Variants in TRIM5 observed in about 807,000 individuals in gnomAD.
The protein encoded by TRIM5 is tripartite motif containing 5, also known as tripartite motif-containing protein 5.
Under a neutral mutation model 35.6 loss-of-function variants are expected in TRIM5, and 31 were observed. The observed-to-expected ratio is 0.87, with a 90% CI of 0.65 to 1.18. The LOEUF is 1.18. Among genes scored for constraint, TRIM5 ranks in the 50% most tolerant of loss-of-function variants. The probability of loss-of-function intolerance (pLI) is 0.00; values close to 1 mark genes in which losing one functional copy is unlikely to be tolerated. For missense variants in TRIM5, 609 were observed against 591.6 expected, an observed-to-expected ratio of 1.03 and a Z score of -0.31; for synonymous variants, 243 against 215.6, an observed-to-expected ratio of 1.13 and a Z score of -1.11.
At chr11:5,610,798 A>G in the TRIM5 span, 1 of 1,614,160 alleles carries the variant, frequency 6.2e-7, no homozygotes, top group Non-Finnish European at 8.5e-7. Context: ...CTGAATCCAC[A>G]CACAGCTAAT....
chr11:5,613,567 C>T, the TRIM5 span, among the ~76,000 whole-genome samples: 6 of 152,106 alleles, frequency 3.9e-5, no homozygotes, highest in Non-Finnish European at 7.4e-5. Context: ...CTGACTGGGA[C>T]CTATGGGGCT....
At chr11:5,641,148 T>C in the TRIM5 span, 1 of 1,613,166 alleles carries the variant, frequency 6.2e-7, no homozygotes, top group Non-Finnish European at 8.5e-7. Context: ...TTGACTCATG[T>C]TTTCTCTTTT....
the TRIM5 span, among the ~76,000 whole-genome samples, chr11:5,615,333 G>A: frequency 6.6e-6 from 1 of 152,064 alleles, no homozygotes; most frequent in South Asian, 2.1e-4. Flanking sequence ...TATGAGAGAG[G>A]GGTGTTGAAA....
At chr11:5,604,668 A>T in the TRIM5 span, 2 of 1,598,726 alleles carry the variant, frequency 1.3e-6, no homozygotes, top group South Asian at 1.1e-5. Flanking sequence ...TGGGGCAGGA[A>T]TCATGGCAGG....
intron 4 of TRIM5, among the ~76,000 whole-genome samples, chr11:5,676,544 C>T (rs1169082900): frequency 1.3e-5 from 2 of 152,118 alleles, no homozygotes; most frequent in East Asian, 1.9e-4. Context: ...AGGTAATTTA[C>T]AGATTCAATG....
chr11:5,607,826 G>A, the TRIM5 span, among the ~76,000 whole-genome samples: 6 of 152,128 alleles, frequency 3.9e-5, no homozygotes, highest in Admixed American at 2.0e-4. Flanking sequence ...ATATTTGCTG[G>A]TGTATATATT....
chr11:5,640,624 T>C, the TRIM5 span, among the ~76,000 whole-genome samples: 3 of 152,174 alleles, frequency 2.0e-5, no homozygotes, highest in South Asian at 6.2e-4. Flanking sequence ...TTTGGTTCTT[T>C]TATCAGGGTC....
chr11:5,622,459 GA>G, the TRIM5 span, among the ~76,000 whole-genome samples: 1 of 133,826 alleles, frequency 7.5e-6, no homozygotes, highest in Admixed American at 7.8e-5. Context: ...AAAAAAAAAA[GA>G]AAAAAAGAAA....
chr11:5,641,281 T>C, the TRIM5 span: 8 of 1,593,376 alleles, frequency 5.0e-6, no homozygotes, highest in Non-Finnish European at 6.9e-6. Context: ...GAATAAAAAA[T>C]CTCCCAGAGT....
the TRIM5 span, among the ~76,000 whole-genome samples, chr11:5,637,147 T>C: frequency 1.1e-4 from 16 of 141,708 alleles, no homozygotes; most frequent in African/African-American, 4.1e-4. Context: ...CACTCCAGCC[T>C]GGGCGACAGA....
At chr11:5,654,612 G>A in the TRIM5 span, among the ~76,000 whole-genome samples, 3 of 152,128 alleles carry the variant, frequency 2.0e-5, no homozygotes, top group African/African-American at 7.2e-5. Flanking sequence ...GGGAGCTGGT[G>A]GTGGCAGATG....
chr11:5,604,749 T>G, the TRIM5 span: 2 of 1,053,762 alleles, frequency 1.9e-6, no homozygotes, highest in African/African-American at 1.6e-5. Context: ...AGAGCTTCCC[T>G]TTGCCTGGTC....
chr11:5,671,317 C>CA (rs148744959), intron 4 of TRIM5, among the ~76,000 whole-genome samples: 21,391 of 145,654 alleles, frequency 0.15, 2,379 homozygotes, highest in East Asian at 0.44. Flanking sequence ...AAAAAAAACA[C>CA]AAAAAAACCC....
intron 2 of TRIM5, 50 bp from the exon 3 acceptor site, chr11:5,679,219 C>A: frequency 6.7e-7 from 1 of 1,486,248 alleles, no homozygotes; most frequent in Non-Finnish European, 9.3e-7. Flanking sequence ...TTTCCAGCAC[C>A]TAGATAGAGT....
the TRIM5 span, chr11:5,632,231 ACC>A: frequency 6.4e-7 from 1 of 1,573,706 alleles, no homozygotes; most frequent in Non-Finnish European, 8.6e-7. Context: ...CCATTCTTAT[ACC>A]ATCCCCTTTC....
the TRIM5 span, among the ~76,000 whole-genome samples, chr11:5,633,064 T>C: frequency 6.7e-6 from 1 of 148,248 alleles, no homozygotes; most frequent in Admixed American, 6.7e-5. Context: ...GGTCTTGAAC[T>C]CCTAATCTTG....
chr11:5,672,291 A>G (rs1264141453), intron 4 of TRIM5, among the ~76,000 whole-genome samples: 5 of 152,110 alleles, frequency 3.3e-5, no homozygotes, highest in Admixed American at 6.5e-5. Context: ...GACTCAGTAT[A>G]ACCTCTGCCT....
At chr11:5,651,578 A>T in the TRIM5 span, among the ~76,000 whole-genome samples, 1 of 152,130 alleles carries the variant, frequency 6.6e-6, no homozygotes, top group African/African-American at 2.4e-5. Flanking sequence ...TGTATTTGTT[A>T]TTGTGAATGG....
At chr11:5,643,816 A>G in the TRIM5 span, 3 of 1,396,332 alleles carry the variant, frequency 2.1e-6, no homozygotes, top group Non-Finnish European at 2.9e-6. Flanking sequence ...CTTCTTTAGA[A>G]CTTTTACTCA....
Sources: gnomAD v4.1 joint callset for allele counts (sites outside exome capture counted in the v4.1 genomes callset) on GRCh38, gnomAD v4.1.1 for gene constraint, MANE v1.5 for transcripts, NCBI Gene and HGNC (gene_info 2026-07-23, HGNC 2026-07-21) for gene names.